Variants in IL1RAPL1 observed in about 807,000 individuals in gnomAD.
IL1RAPL1 encodes the protein interleukin 1 receptor accessory protein like 1, also known as interleukin-1 receptor accessory protein-like 1.
Under a neutral mutation model 48.4 loss-of-function variants are expected in IL1RAPL1, and 3 were observed. The ratio of observed to expected loss-of-function variants is 0.06; its 90% CI spans 0.03 to 0.16. IL1RAPL1 has a LOEUF of 0.16. Ranked by LOEUF, IL1RAPL1 falls within the 10% of genes least tolerant of loss-of-function variation. The pLI, the probability that IL1RAPL1 is intolerant of heterozygous loss-of-function variation, is 1.00. For missense variants in IL1RAPL1, 349 were observed against 530.6 expected (o/e 0.66, Z 3.36); for synonymous variants, 185 against 187.7 (o/e 0.99, Z 0.12).
rs977124608 is a variant in IL1RAPL1 at position 29,117,974 on chromosome X, C to T, written c.83-164964C>T. On this transcript the variant is annotated intron_variant, in intron 2 of 10. Coordinates refer to ENST00000378993, the MANE Select transcript of IL1RAPL1 (RefSeq NM_014271.4). ...CTAGCATAAGATAAAAATTTGATGA[C>T]ACATTTAATAGGCTTACTCTCAAAC... Among the ~76,000 whole-genome samples the T allele has an allele frequency of 4.5e-5, 5 of 111,838 alleles. No individual in the cohort carries two copies. In the Admixed American group the frequency reaches 4.8e-4, roughly 11 times the overall value.
rs775964789 is a variant in IL1RAPL1 at position 29,028,292 on chromosome X, G to GTT, written c.82+238884_82+238885dup. Among the ~76,000 whole-genome samples the GTT allele has an allele frequency of 8.7e-3, 695 of 80,142 alleles. 11 individuals carry two copies. Among genetic ancestry groups the GTT allele is most frequent in the African/African-American group, 0.024 (520 of 21,892 alleles). The allele number at this position is 80,142 out of a possible 115,157, so 69.6% of individuals were successfully genotyped here. On this transcript the variant is annotated intron_variant, in intron 2 of 10. Coordinates refer to ENST00000378993, the MANE Select transcript of IL1RAPL1 (RefSeq NM_014271.4). The stretch of plus-strand genomic sequence containing the variant: ...TTACGCCCTACTGTTTTTTTTGTTT[G>GTT]TTTTTTTTTTTTTTTTTTGAGACGG...
At chrX:28,650,622 T>TCC (rs1934672146) in intron 1 of IL1RAPL1, among the ~76,000 whole-genome samples, 1 of 111,835 alleles carries the variant, frequency 8.9e-6, no homozygotes, top group African/African-American at 3.3e-5. Flanking sequence ...GAGGTGGGCC[T>TCC]CTGGGAGCAG....
intron 5 of IL1RAPL1, among the ~76,000 whole-genome samples, chrX:29,556,987 G>C (rs890277415): frequency 9.0e-6 from 1 of 111,398 alleles, no homozygotes; most frequent in Non-Finnish European, 1.9e-5. Context: ...ATTTAGGATT[G>C]AATATCACTG....
intron 1 of IL1RAPL1, among the ~76,000 whole-genome samples, chrX:28,718,907 T>C (rs1935535910): frequency 9.0e-6 from 1 of 111,443 alleles, no homozygotes; most frequent in African/African-American, 3.2e-5. Flanking sequence ...AGTTGGGCTT[T>C]TAGGGATGTT....
chrX:28,780,363 G>GTGTGTGTGTGTGTGTGTC (rs56989010), intron 1 of IL1RAPL1, among the ~76,000 whole-genome samples: 7 of 91,453 alleles, frequency 7.7e-5, no homozygotes, highest in East Asian at 7.6e-4. Context: ...GTGTGTGTGT[G>GTGTGTGTGTGTGTGTGTC]TGTCTGTCTG....
intron 5 of IL1RAPL1, among the ~76,000 whole-genome samples, chrX:29,508,471 A>G (rs1250618411): frequency 2.7e-5 from 3 of 112,333 alleles, no homozygotes; most frequent in African/African-American, 6.5e-5. Context: ...ATATTTGACA[A>G]CTATATAAAA....
intron 3 of IL1RAPL1, among the ~76,000 whole-genome samples, chrX:29,306,538 A>G (rs1444819968): frequency 4.0e-5 from 4 of 99,233 alleles, no homozygotes; most frequent in Non-Finnish European, 6.1e-5. Context: ...AAGAAAAAAA[A>G]AAAAAAAAAA....
At chrX:29,767,250 G>A (rs1331803260) in intron 6 of IL1RAPL1, among the ~76,000 whole-genome samples, 10 of 112,015 alleles carry the variant, frequency 8.9e-5, no homozygotes, top group Non-Finnish European at 5.6e-5. Context: ...AAGAATGGTC[G>A]TTGTTAAGGA....
chrX:29,258,346 C>T (rs114380474), intron 2 of IL1RAPL1, among the ~76,000 whole-genome samples: 1 of 111,329 alleles, frequency 9.0e-6, no homozygotes, highest in Non-Finnish European at 1.9e-5. Context: ...CTAATTTTCA[C>T]GTCACAAAAA....
chrX:29,748,923 G>A (rs1343314180), intron 6 of IL1RAPL1, among the ~76,000 whole-genome samples: 1 of 112,309 alleles, frequency 8.9e-6, no homozygotes, highest in Non-Finnish European at 1.9e-5. Flanking sequence ...AAAGTCTGGA[G>A]ACAGATTGAT....
intron 1 of IL1RAPL1, among the ~76,000 whole-genome samples, chrX:28,743,616 G>A (rs1248217346): frequency 9.0e-6 from 1 of 111,051 alleles, no homozygotes; most frequent in Non-Finnish European, 1.9e-5. Context: ...TAACTGAGTA[G>A]TTTATCGTCA....
chrX:28,630,517 C>G (rs901079738), intron 1 of IL1RAPL1, among the ~76,000 whole-genome samples: 3 of 111,842 alleles, frequency 2.7e-5, no homozygotes, highest in Non-Finnish European at 3.8e-5. Context: ...TTACTCAACC[C>G]GTCTGCCTTC....
At chrX:29,073,721 A>G (rs1927613680) in intron 2 of IL1RAPL1, among the ~76,000 whole-genome samples, 1 of 111,975 alleles carries the variant, frequency 8.9e-6, no homozygotes, top group Admixed American at 9.5e-5. Flanking sequence ...TTGATATGAC[A>G]TTATGAGTTT....
chrX:29,096,986 C>G (rs2147460708), intron 2 of IL1RAPL1, among the ~76,000 whole-genome samples: 1 of 110,888 alleles, frequency 9.0e-6, no homozygotes, highest in African/African-American at 3.3e-5. Flanking sequence ...GGAGGGCACA[C>G]CCTTTCATTC....
intron 2 of IL1RAPL1, among the ~76,000 whole-genome samples, chrX:28,945,516 C>T (rs1924275577): frequency 9.0e-6 from 1 of 110,603 alleles, no homozygotes; most frequent in African/African-American, 3.3e-5. Flanking sequence ...AGCCAAATAA[C>T]ACATGTTCTC....
chrX:29,472,800 C>A (rs866838467), intron 5 of IL1RAPL1, among the ~76,000 whole-genome samples: 2 of 111,616 alleles, frequency 1.8e-5, no homozygotes, highest in African/African-American at 6.5e-5. Flanking sequence ...AATGTAAATA[C>A]GCTGAAGATT....
intron 1 of IL1RAPL1, among the ~76,000 whole-genome samples, chrX:28,638,779 A>G: frequency 9.0e-6 from 1 of 111,011 alleles, no homozygotes; most frequent in East Asian, 2.8e-4. Context: ...GAGTGAATCT[A>G]TGTGGTCGTA....
chrX:29,453,296 G>A (rs1356512671), intron 5 of IL1RAPL1, among the ~76,000 whole-genome samples: 1 of 110,294 alleles, frequency 9.1e-6, no homozygotes, highest in African/African-American at 3.3e-5. Flanking sequence ...TTAAAGAAAT[G>A]AAGTAAAAGG....
At chrX:29,768,162 A>C (rs1171262237) in intron 6 of IL1RAPL1, among the ~76,000 whole-genome samples, 1 of 112,119 alleles carries the variant, frequency 8.9e-6, no homozygotes, top group Non-Finnish European at 1.9e-5. Flanking sequence ...ATCTTCTTTT[A>C]GAATTCAATA....
Sources: allele counts gnomAD v4.1 joint callset (sites outside exome capture counted in the v4.1 genomes callset), GRCh38; gene constraint gnomAD v4.1.1; transcripts MANE v1.5; gene names NCBI Gene and HGNC (gene_info 2026-07-23, HGNC 2026-07-21).